ZBTB7A: variants seen among roughly 807,000 people sequenced by gnomAD.
ZBTB7A encodes zinc finger and BTB domain-containing protein 7A.
In ZBTB7A, 7 loss-of-function variants were observed where a neutral mutation model predicts 26.7. The observed-to-expected ratio is 0.26, with a 90% CI of 0.15 to 0.49. The LOEUF is 0.49. Among genes scored for constraint, ZBTB7A ranks in the 20% least tolerant of loss-of-function variants. The pLI is 0.98. For synonymous variants in ZBTB7A, 452 were observed against 441.0 expected (o/e 1.02, Z -0.31); for missense variants, 617 against 919.5 (o/e 0.67, Z 4.25).
At chr19:4,056,454 C>T (rs778736138) in intron 1 of ZBTB7A, among the ~76,000 whole-genome samples, 5 of 152,172 alleles carry the variant, frequency 3.3e-5, no homozygotes, top group African/African-American at 7.2e-5. Flanking sequence ...AGGCCCGGCT[C>T]GGTGCTCACG....
In ZBTB7A at chr19:4,048,190, C is replaced by T. The variant is rs144598692; in HGVS notation, c.1317G>A (p.Leu439=). 518 of 1,606,064 alleles carry T rather than the reference C, an allele frequency of 3.2e-4. 1 individual carries two copies. The African/African-American group carries it at 6.1e-3, about 19-fold the overall frequency. ...CAAAGGCGGCGCCGCACTGCTGGCACAGGTACGGCTTCTCGCCCGTGTGCT... is the reference window on the plus strand; with the variant it reads ...CAAAGGCGGCGCCGCACTGCTGGCATAGGTACGGCTTCTCGCCCGTGTGCT... ...MRKHTGEKPY[L]CQQCGAAFAH... The change falls in exon 3 of 3, where the codon CTG becomes CTA. Residue 439 remains leucine (L), a synonymous_variant. Transcript: ENST00000322357. The surrounding 1 kb of genome is among the most constrained non-coding windows in gnomAD (Gnocchi z 6.7).
rs1326489271 is a variant in ZBTB7A at position 4,044,039 on chromosome 19, A to AG, written c.*3712dup. On this transcript the variant is annotated 3_prime_UTR_variant, in exon 3 of 3. Transcript: ENST00000322357. Reference sequence around the variant, plus strand: ...CCAACCATTCTGGTTGCCGGGCGGGAGGGGGCACCCCGAGGCCCCTGCCTC... The same window carrying AG: ...CCAACCATTCTGGTTGCCGGGCGGGAGGGGGGCACCCCGAGGCCCCTGCCTC... Among the ~76,000 whole-genome samples the AG allele has an allele frequency of 6.7e-6, 1 of 149,218 alleles. No homozygotes were observed. Among genetic ancestry groups the AG allele is most frequent in the Non-Finnish European group, 1.5e-5 (1 of 67,372 alleles).
intron 1 of ZBTB7A, chr19:4,065,453 G>GGGGCCC (rs2040685236): frequency 6.8e-6 from 1 of 146,958 alleles, no homozygotes; most frequent in African/African-American, 2.5e-5. Context: ...CAGCGGCGAG[G>GGGGCCC]GGGCCCGGCC....
Position 4,054,663 on chromosome 19 carries a change from C to T in ZBTB7A, c.570G>A (p.Ala190=), listed in dbSNP as rs2040552883. Residue 190 remains alanine, a synonymous_variant, in exon 2 of 3, where the codon GCG becomes GCA. Coordinates refer to ENST00000322357, the MANE Select transcript of ZBTB7A (RefSeq NM_015898.4). ...TGGTGGCATCCAGGTCATCATCGGA[C>T]GCCCCAAAGGCGGACCACGGGAAGC... ...AASFPWSAFG[A]SDDDLDATKE... is the part of the protein sequence containing the mutation. 2 of 1,597,842 alleles carry T rather than the reference C, an allele frequency of 1.3e-6. No individual in the cohort carries two copies. The highest frequency in any genetic ancestry group is 2.2e-5 in the South Asian group (2 of 89,196).
intron 1 of ZBTB7A, among the ~76,000 whole-genome samples, chr19:4,056,534 G>A (rs189412798): frequency 6.6e-4 from 100 of 152,190 alleles, no homozygotes; most frequent in African/African-American, 2.4e-3. Flanking sequence ...CAAGACCAGC[G>A]ACCAGCCTGG....
Position 4,054,492 on chromosome 19 carries a change from C to G in ZBTB7A, c.741G>C (p.Arg247=). Residue 247 remains arginine (R), a synonymous_variant, in exon 2 of 3, where the codon CGG becomes CGC. Transcript: ENST00000322357. The part of the protein sequence containing the change: ...GDSNPGLWPE[R]DEDAPTGGLF... ...GACCCCCGGTGGGGGCGTCCTCATC[C>G]CGCTCTGGCCACAGACCCGGGTTGC... 1 of 1,403,858 alleles carries G rather than the reference C, an allele frequency of 7.1e-7. No individual in the cohort carries two copies. Among genetic ancestry groups the G allele is most frequent in the Non-Finnish European group, 9.2e-7 (1 of 1,089,636 alleles). The allele number at this position is 1,403,858 out of a possible 1,614,324, so 87.0% of individuals were successfully genotyped here.
chr19:4,055,277 G>A (rs556775501), intron 1 of ZBTB7A, 30 bp from the exon 2 acceptor site: 109 of 1,442,282 alleles, frequency 7.6e-5, no homozygotes, highest in Non-Finnish European at 9.8e-5. Context: ...GAGGGCGCTC[G>A]TGAGTGGGGG....
intron 1 of ZBTB7A, among the ~76,000 whole-genome samples, chr19:4,059,509 G>A (rs1050933416): frequency 2.6e-5 from 4 of 152,130 alleles, no homozygotes; most frequent in Non-Finnish European, 4.4e-5. Flanking sequence ...GAAAGCCCCC[G>A]TGAGAGGACT....
rs2040517262 is a variant in ZBTB7A at position 4,052,729 on chromosome 19, G to A, written c.1262+1242C>T. On this transcript the variant is annotated intron_variant, in intron 2 of 2. Coordinates refer to ENST00000322357, the MANE Select transcript of ZBTB7A (RefSeq NM_015898.4). The surrounding 1 kb of genome is among the most constrained non-coding windows in gnomAD (Gnocchi z 4.9). ...GCCCCGGATCTACGAGGCCCAGCCA[G>A]CCACCTCTGGACTCCTGAGACCGAA... Among the ~76,000 whole-genome samples the A allele has an allele frequency of 6.6e-6, 1 of 152,118 alleles. No homozygotes were observed. Among genetic ancestry groups the A allele is most frequent in the Non-Finnish European group, 1.5e-5 (1 of 68,008 alleles).
intron 1 of ZBTB7A, 155 bp from the exon 2 acceptor site, chr19:4,055,402 C>A (rs1222024668): frequency 2.1e-5 from 21 of 985,314 alleles, no homozygotes; most frequent in Non-Finnish European, 2.5e-5. Flanking sequence ...AGATGTCGCG[C>A]CTTTCCAGCC....
chr19:4,055,516 A>C, intron 1 of ZBTB7A: 4 of 983,692 alleles, frequency 4.1e-6, no homozygotes, highest in Non-Finnish European at 4.8e-6. Flanking sequence ...CATGTTGGCC[A>C]GGCTGGTCTC....
chr19:4,058,402 C>G (rs1190419608), intron 1 of ZBTB7A, among the ~76,000 whole-genome samples: 2 of 152,120 alleles, frequency 1.3e-5, no homozygotes, highest in Non-Finnish European at 2.9e-5. Flanking sequence ...GCGCCGGGCC[C>G]TGGGGGGACT....
intron 1 of ZBTB7A, among the ~76,000 whole-genome samples, chr19:4,056,105 C>G (rs1010865183): frequency 1.3e-5 from 2 of 151,750 alleles, no homozygotes; most frequent in Non-Finnish European, 2.9e-5. Context: ...TACACAAAAG[C>G]AATCAGACGT....
intron 1 of ZBTB7A, chr19:4,055,571 C>T: frequency 1.3e-6 from 1 of 746,252 alleles, no homozygotes; most frequent in Non-Finnish European, 1.6e-6. Flanking sequence ...GCCTGTAATC[C>T]CAGCACTTTG....
At chr19:4,053,560 C>T (rs898617334) in intron 2 of ZBTB7A, among the ~76,000 whole-genome samples, 6 of 141,812 alleles carry the variant, frequency 4.2e-5, no homozygotes, top group East Asian at 2.1e-4. Flanking sequence ...ATGTGGTGTG[C>T]GTGTGTGTGC....
chr19:4,052,495 G>A lies in ZBTB7A; in HGVS notation c.1262+1476C>T, dbSNP rs1399939452. On this transcript the variant is annotated intron_variant, in intron 2 of 2. Transcript: ENST00000322357. This position sits in a 1 kb window ranked among gnomAD's most constrained non-coding sequence, Gnocchi z 4.9. ...GCACCTTCCTCTCCTGGCCTGCTGG[G>A]GAGGGGGCCGGGGTGCTGGGGAGGG... Among the ~76,000 whole-genome samples, 1 of 152,086 alleles carries A rather than the reference G, an allele frequency of 6.6e-6. No homozygotes were observed. Among genetic ancestry groups the A allele is most frequent in the Admixed American group, 6.5e-5 (1 of 15,284 alleles).
rs2040429372 is a variant in ZBTB7A, at chr19:4,047,081, G to A, written c.*671C>T. The A allele has an allele frequency of 6.6e-6, 1 of 151,890 alleles. No individual in the cohort carries two copies. The highest frequency in any genetic ancestry group is 2.4e-5 in the African/African-American group (1 of 41,316). 9.4% of individuals were successfully genotyped at this position (151,890 alleles called of 1,614,324 possible). Reference sequence around the variant, plus strand: ...CTTTCTCCAGGCCTAGAAATAAATAGGTTTGTGTCTCAGTGGCCAGGAGAC... The same window carrying A: ...CTTTCTCCAGGCCTAGAAATAAATAAGTTTGTGTCTCAGTGGCCAGGAGAC... On this transcript the variant is annotated 3_prime_UTR_variant, in exon 3 of 3. Coordinates refer to ENST00000322357, the MANE Select transcript of ZBTB7A (RefSeq NM_015898.4).
chr19:4,064,046 C>A (rs1328519029), intron 1 of ZBTB7A, among the ~76,000 whole-genome samples: 2 of 152,212 alleles, frequency 1.3e-5, no homozygotes, highest in Non-Finnish European at 2.9e-5. Context: ...TTTGTGATCG[C>A]CCCAGGAACC....
intron 1 of ZBTB7A, 63 bp from the exon 2 acceptor site, chr19:4,055,310 G>A (rs1026683298): frequency 2.9e-5 from 41 of 1,428,034 alleles, no homozygotes; most frequent in Non-Finnish European, 3.7e-5. Flanking sequence ...TGTGCCCACT[G>A]ACAAGGGCCC....
Sources: gnomAD v4.1 joint callset for allele counts (sites outside exome capture counted in the v4.1 genomes callset) on GRCh38, gnomAD v4.1.1 for gene constraint, Gnocchi (gnomAD v3.1) non-coding constraint, MANE v1.5 for transcripts, NCBI Gene and HGNC (gene_info 2026-07-23, HGNC 2026-07-21) for gene names.